LEF1: variants seen among roughly 807,000 people sequenced by gnomAD.
The protein encoded by LEF1 is lymphoid enhancer binding factor 1.
A neutral mutation model predicts 51.2 loss-of-function variants in LEF1; 14 were observed. The ratio of observed to expected loss-of-function variants is 0.27; its 90% confidence interval spans 0.18 to 0.43. The LOEUF (loss-of-function observed/expected upper bound fraction) is 0.43. LEF1 is among the 20% of genes least tolerant of loss of function. The pLI, the probability that LEF1 is intolerant of heterozygous loss-of-function variation, is 1.00. For missense variants in LEF1, 386 were observed against 512.0 expected, an observed-to-expected ratio of 0.75 and a Z score of 2.37; for synonymous variants, 185 against 183.2, an observed-to-expected ratio of 1.01 and a Z score of -0.08.
chr4:108,145,625 T>C (rs1743951120), intron 3 of LEF1, among the ~76,000 whole-genome samples: 2 of 152,192 alleles, frequency 1.3e-5, no homozygotes, highest in South Asian at 4.1e-4. Flanking sequence ...GGAAGCAAGA[T>C]GGAGCCATGG....
chr4:108,106,616 T>G (rs1741185648), intron 3 of LEF1, among the ~76,000 whole-genome samples: 1 of 152,176 alleles, frequency 6.6e-6, no homozygotes, highest in Non-Finnish European at 1.5e-5. Context: ...TAAAGTGACT[T>G]GTATGAGGTC....
chr4:108,157,173 T>TACACACACACAC (rs1371267234), intron 3 of LEF1, among the ~76,000 whole-genome samples: 49 of 67,090 alleles, frequency 7.3e-4, no homozygotes, highest in Admixed American at 6.4e-3. Flanking sequence ...TCTCTCTATA[T>TACACACACACAC]ATATATACAC....
intron 10 of LEF1, 98 bp downstream of exon 10, chr4:108,064,238 C>T: frequency 1.4e-6 from 1 of 732,874 alleles, no homozygotes; most frequent in Non-Finnish European, 2.4e-6. Context: ...TCATAAGTTA[C>T]AGTCACAGAA....
intron 3 of LEF1, among the ~76,000 whole-genome samples, chr4:108,126,216 G>T (rs1023637277): frequency 6.6e-6 from 1 of 152,040 alleles, no homozygotes; most frequent in Non-Finnish European, 1.5e-5. Context: ...AAAAAAACCA[G>T]AGATTTCATG....
At chr4:108,149,458 C>CAAAAAAAAAAAAAAAAA (rs371482539) in intron 3 of LEF1, among the ~76,000 whole-genome samples, 9 of 60,562 alleles carry the variant, frequency 1.5e-4, no homozygotes, top group African/African-American at 4.4e-4. Flanking sequence ...GACTCCGTCT[C>CAAAAAAAAAAAAAAAAA]AAAAAAAAAA....
intron 3 of LEF1, among the ~76,000 whole-genome samples, chr4:108,142,491 T>C (rs1040194230): frequency 6.6e-6 from 1 of 152,196 alleles, no homozygotes; most frequent in African/African-American, 2.4e-5. Flanking sequence ...TAGTATCCTA[T>C]TTCTTAAAAT....
intron 3 of LEF1, among the ~76,000 whole-genome samples, chr4:108,101,232 CA>C (rs1740801582): frequency 6.6e-6 from 1 of 152,054 alleles, no homozygotes; most frequent in South Asian, 2.1e-4. Flanking sequence ...CCATAAGACA[CA>C]AAAAAAGCAA....
At chr4:108,142,317 A>C (rs1303516298) in intron 3 of LEF1, among the ~76,000 whole-genome samples, 5 of 152,218 alleles carry the variant, frequency 3.3e-5, no homozygotes, top group Admixed American at 6.5e-5. Context: ...CATTAACAGA[A>C]GAGGAAGAAC....
intron 11 of LEF1, 35 bp downstream of exon 11, chr4:108,063,588 T>C: frequency 6.5e-7 from 1 of 1,545,728 alleles, no homozygotes; most frequent in Non-Finnish European, 8.8e-7. Context: ...TTATAACAAC[T>C]AACGTCAGCA....
chr4:108,114,393 C>G (rs1325547537), intron 3 of LEF1, among the ~76,000 whole-genome samples: 1 of 152,142 alleles, frequency 6.6e-6, no homozygotes, highest in East Asian at 1.9e-4. Context: ...TAATGATCAT[C>G]ATCATCACAG....
chr4:108,137,897 T>C (rs1743399514), intron 3 of LEF1, among the ~76,000 whole-genome samples: 1 of 152,174 alleles, frequency 6.6e-6, no homozygotes, highest in East Asian at 1.9e-4. Context: ...ATTTTTCCTT[T>C]GAAAGAGATA....
At chr4:108,147,425 A>G (rs1329707053) in intron 3 of LEF1, among the ~76,000 whole-genome samples, 1 of 152,182 alleles carries the variant, frequency 6.6e-6, no homozygotes, top group Non-Finnish European at 1.5e-5. Context: ...CTTAAATGTC[A>G]CATTTCTCTC....
chr4:108,056,495 G>A (rs1737310109), intron 11 of LEF1, among the ~76,000 whole-genome samples: 1 of 152,208 alleles, frequency 6.6e-6, no homozygotes, highest in African/African-American at 2.4e-5. Flanking sequence ...TGGAACAATG[G>A]CCAGGATGTG....
At chr4:108,153,786 T>C (rs1744509570) in intron 3 of LEF1, among the ~76,000 whole-genome samples, 1 of 152,216 alleles carries the variant, frequency 6.6e-6, no homozygotes, top group African/African-American at 2.4e-5. Context: ...ACCAATAAAA[T>C]ACTGGTTAAA....
intron 9 of LEF1, among the ~76,000 whole-genome samples, chr4:108,067,193 G>A (rs1738134630): frequency 6.6e-6 from 1 of 152,172 alleles, no homozygotes; most frequent in African/African-American, 2.4e-5. Flanking sequence ...CAAGGAATAT[G>A]CAAAACAATT....
Position 108,163,465 on chromosome 4 carries a change from T to C in LEF1, c.414+103A>G. ...TTATTTAGCAACGACTAGTTATATA[T>C]AATGAAAGCATTACCAATGAGTTTG... is the stretch of plus-strand genomic sequence containing the variant. On this transcript the variant is annotated intron_variant, in intron 3 of 11. Coordinates refer to ENST00000265165, the MANE Select transcript of LEF1 (RefSeq NM_016269.5). The C allele has an allele frequency of 2.4e-6, 3 of 1,258,988 alleles. No individual in the cohort carries two copies. In the Admixed American group the frequency reaches 5.8e-5, roughly 24 times the overall value. 78.0% of individuals were successfully genotyped at this position (1,258,988 alleles called of 1,614,324 possible). A position where few individuals can be genotyped will look rare whatever the true frequency, so the allele number is the denominator to read the frequency against.
chr4:108,090,512 T>C lies in LEF1; in HGVS notation c.415-1255A>G, dbSNP rs972767488. Among the ~76,000 whole-genome samples the C allele has an allele frequency of 6.6e-5, 10 of 152,304 alleles. No individual in the cohort carries two copies. In the South Asian group the frequency reaches 1.2e-3, roughly 19 times the overall value. ...GTGCTTACTAAGTAATTAAAAAATA[T>C]AAAGAAGACTTAAGTAGGTTTAACC... On this transcript the variant is annotated intron_variant, in intron 3 of 11. Coordinates refer to ENST00000265165, the MANE Select transcript of LEF1 (RefSeq NM_016269.5).
chr4:108,134,166 C>CAAAAAAAAA (rs11369216), intron 3 of LEF1, among the ~76,000 whole-genome samples: 1 of 146,902 alleles, frequency 6.8e-6, no homozygotes, highest in Non-Finnish European at 1.5e-5. Context: ...CCAAATTTAC[C>CAAAAAAAAA]AAAAAAAAAA....
Position 108,079,519 on chromosome 4 carries a change from G to C in LEF1, c.818C>G (p.Pro273Arg). 1 of 1,614,108 alleles carries C rather than the reference G, an allele frequency of 6.2e-7. No homozygotes were observed. The highest frequency in any genetic ancestry group is 1.1e-5 in the South Asian group (1 of 91,076). Residue 273 changes from proline to arginine, a missense_variant, in exon 7 of 12, where the codon CCC becomes CGC. Around this residue, in one of 2 missense-constraint regions of LEF1, gnomAD observed 335 missense variants for 390.7 expected, o/e 0.86. Coordinates refer to ENST00000265165, the MANE Select transcript of LEF1 (RefSeq NM_016269.5). ...GTGCATTAGGTCACTGTCAGTGTGG[G>C]GATGTTCCTGTTTGACCTGAGGTGT... ...IVTPQVKQEH[P>R]HTDSDLMHVK...
Sources: allele counts gnomAD v4.1 joint callset (sites outside exome capture counted in the v4.1 genomes callset), GRCh38; gene constraint gnomAD v4.1.1; regional missense constraint gnomAD v4.1.1; transcripts MANE v1.5; gene names NCBI Gene and HGNC (gene_info 2026-07-23, HGNC 2026-07-21).